The following ABCA12 variants were observed in gnomAD, a reference collection of about 807,000 sequenced individuals.
The protein encoded by ABCA12 is glucosylceramide transporter ABCA12.
Under a neutral mutation model 293.5 loss-of-function variants are expected in ABCA12, and 156 were observed. That is an observed-to-expected ratio of 0.53 (90% confidence interval 0.47 to 0.61). ABCA12 has a LOEUF of 0.61. Among genes scored for constraint, ABCA12 ranks in the 20% least tolerant of loss-of-function variants. ABCA12 has a pLI of 0.00. For synonymous variants in ABCA12, 1,063 were observed against 1,108.0 expected, an observed-to-expected ratio of 0.96 and a Z score of 0.81; for missense variants, 2,797 against 3,090.2, an observed-to-expected ratio of 0.91 and a Z score of 2.25.
chr2:214,946,330 T>TG (rs1698581685), intron 48 of ABCA12, among the ~76,000 whole-genome samples: 1 of 152,166 alleles, frequency 6.6e-6, no homozygotes, highest in Non-Finnish European at 1.5e-5. Flanking sequence ...ATTTAGTAAA[T>TG]GCATATAGAA....
At chr2:215,066,010 A>C (rs913513328) in intron 2 of ABCA12, among the ~76,000 whole-genome samples, 1 of 152,110 alleles carries the variant, frequency 6.6e-6, no homozygotes, top group African/African-American at 2.4e-5. Flanking sequence ...TGAAAATTGC[A>C]GTGAACCAAT....
intron 14 of ABCA12, among the ~76,000 whole-genome samples, chr2:215,017,268 C>T (rs938383398): frequency 4.6e-5 from 7 of 152,156 alleles, no homozygotes; most frequent in Admixed American, 2.6e-4. Context: ...AGCTCTGCAG[C>T]TCTTTTGGAA....
At chr2:214,970,153 A>C in intron 37 of ABCA12, 120 bp downstream of exon 37, 1 of 1,042,544 alleles carries the variant, frequency 9.6e-7, no homozygotes, top group Non-Finnish European at 1.4e-6. Context: ...GTTTAAATAA[A>C]ACTGAGAATT....
Position 215,131,702 on chromosome 2 carries a change from G to GT in ABCA12, c.69+6437dup, listed in dbSNP as rs35844951. 5.4e-4 allele frequency among the ~76,000 whole-genome samples: 43 copies of GT among 80,164 alleles called. 1 individual carries two copies. Among genetic ancestry groups the GT allele is most frequent in the African/African-American group, 1.6e-3 (42 of 26,086 alleles). The allele number at this position is 80,164 out of a possible 152,430, so 52.6% of individuals were successfully genotyped here. ...TTTTCATTCATTGATCCTTTCTATT[G>GT]TTTTTTTTTTTTTTTTTTTTGGCCT... On this transcript the variant is annotated intron_variant, in intron 1 of 52. Transcript: ENST00000272895.
chr2:215,136,546 A>C (rs1249417113), intron 1 of ABCA12, among the ~76,000 whole-genome samples: 1 of 152,154 alleles, frequency 6.6e-6, no homozygotes, highest in Non-Finnish European at 1.5e-5. Context: ...TAACACGTAC[A>C]GATTTTAGTT....
chr2:215,025,640 GT>G (rs1700726335), intron 11 of ABCA12, 32 bp downstream of exon 11: 2 of 1,222,570 alleles, frequency 1.6e-6, no homozygotes, highest in African/African-American at 3.6e-5. Flanking sequence ...TTTTTTTTTT[GT>G]TTTTTGTTTT....
chr2:215,060,250 T>C (rs1189748626), intron 3 of ABCA12, among the ~76,000 whole-genome samples: 2 of 152,078 alleles, frequency 1.3e-5, no homozygotes, highest in Non-Finnish European at 2.9e-5. Flanking sequence ...ACTGTAAGTT[T>C]ATATAGGGCA....
intron 2 of ABCA12, among the ~76,000 whole-genome samples, chr2:215,073,712 A>T (rs1229453321): frequency 3.3e-5 from 5 of 152,182 alleles, no homozygotes; most frequent in African/African-American, 4.8e-5. Flanking sequence ...TTGAGGAGGG[A>T]AGTGCTGTGC....
chr2:215,124,449 T>C (rs1196185322), intron 1 of ABCA12, among the ~76,000 whole-genome samples: 3 of 152,184 alleles, frequency 2.0e-5, no homozygotes, highest in African/African-American at 7.2e-5. Context: ...GTGTTCCCTG[T>C]TCACCTCATC....
chr2:215,034,145 TA>T (rs1213576568), intron 8 of ABCA12, among the ~76,000 whole-genome samples: 1 of 152,106 alleles, frequency 6.6e-6, no homozygotes, highest in Non-Finnish European at 1.5e-5. Flanking sequence ...GTCACAAACA[TA>T]ATCTCTGCTC....
Position 215,000,934 on chromosome 2 carries a change from T to C in ABCA12, c.2950A>G (p.Thr984Ala), listed in dbSNP as rs781774526. 5 of 1,614,040 alleles carry C rather than the reference T, an allele frequency of 3.1e-6. No individual in the cohort carries two copies. In the South Asian group the frequency reaches 5.5e-5, roughly 18 times the overall value. Reference protein sequence around the residue: ...NVFLPPVIKYTIRMSLKTAQT... With the variant: ...NVFLPPVIKYAIRMSLKTAQT... Reference sequence around the variant, plus strand: ...GCGGTCTTGAGACTCATCCGGATGGTATATTTTATGACAGGAGGAAGAAAG... The same window carrying C: ...GCGGTCTTGAGACTCATCCGGATGGCATATTTTATGACAGGAGGAAGAAAG... The change falls in exon 22 of 53, where the codon ACC becomes GCC. Residue 984 changes from threonine (T) to alanine (A), a missense_variant. Around this residue, in one of 3 missense-constraint regions of ABCA12, gnomAD observed 2,130 missense variants for 2,427.0 expected, o/e 0.88. Coordinates refer to ENST00000272895, the MANE Select transcript of ABCA12 (RefSeq NM_173076.3).
In ABCA12 at chr2:214,987,823, G is replaced by C. The variant is rs374157928; in HGVS notation, c.3830-30C>G. Reference sequence around the variant, plus strand: ...AATAAAAATATATCAGGAACAGTGAGTTTTAGTTGACTGTTAACATTTATC... The same window carrying C: ...AATAAAAATATATCAGGAACAGTGACTTTTAGTTGACTGTTAACATTTATC... On this transcript the variant is annotated intron_variant, in intron 26 of 52. Coordinates refer to ENST00000272895, the MANE Select transcript of ABCA12 (RefSeq NM_173076.3). The C allele has an allele frequency of 2.7e-5, 44 of 1,609,232 alleles. No homozygotes were observed. The African/African-American group carries it at 5.7e-4, about 21-fold the overall frequency.
At chr2:214,978,719 T>A in intron 32 of ABCA12, 85 bp downstream of exon 32, 1 of 1,458,644 alleles carries the variant, frequency 6.9e-7, no homozygotes, top group Non-Finnish European at 9.5e-7. Flanking sequence ...TTTTAAAAAT[T>A]TTTTTAGAAA....
chr2:215,012,705 A>C (rs1244721286), intron 15 of ABCA12, among the ~76,000 whole-genome samples: 1 of 152,200 alleles, frequency 6.6e-6, no homozygotes, highest in African/African-American at 2.4e-5. Context: ...CTAAAATTAG[A>C]TTGTGGTAAT....
intron 33 of ABCA12, among the ~76,000 whole-genome samples, chr2:214,977,084 C>G (rs578212330): frequency 4.6e-4 from 70 of 152,264 alleles, no homozygotes; most frequent in Middle Eastern, 3.4e-3. Context: ...TAAATGCAAA[C>G]TCATATCTCT....
In ABCA12 at chr2:215,074,544, G is replaced by A. The variant is rs1454176770; in HGVS notation, c.164-10325C>T. On this transcript the variant is annotated intron_variant, in intron 2 of 52. Coordinates refer to ENST00000272895, the MANE Select transcript of ABCA12 (RefSeq NM_173076.3). ...AGCCAATACAATAATATGGGCCAGA[G>A]GTCTGTGTATTGATAGAGGTTGGCC... Among the ~76,000 whole-genome samples the A allele has an allele frequency of 3.3e-5, 5 of 152,290 alleles. 1 individual carries two copies. The highest frequency in any genetic ancestry group is 4.1e-4 in the South Asian group (2 of 4,826).
At chr2:214,992,517 C>CCA (rs1386118167) in intron 23 of ABCA12, among the ~76,000 whole-genome samples, 3 of 58,050 alleles carry the variant, frequency 5.2e-5, no homozygotes, top group African/African-American at 2.5e-4. Context: ...CCTAGTATCC[C>CCA]CCCCCTTTTT....
intron 3 of ABCA12, among the ~76,000 whole-genome samples, chr2:215,060,074 A>C (rs949519681): frequency 6.6e-6 from 1 of 152,076 alleles, no homozygotes; most frequent in Non-Finnish European, 1.5e-5. Flanking sequence ...AGTAAGATCC[A>C]TATTCCTCAG....
At position 214,991,605 on chromosome 2, in the gene ABCA12, T is replaced by C. The variant is rs561818034; in HGVS notation, c.3295-574A>G. On this transcript the variant is annotated intron_variant, in intron 23 of 52. Coordinates refer to ENST00000272895, the MANE Select transcript of ABCA12 (RefSeq NM_173076.3). ...AAGGGAGACCTCCTGCCTTTAGCTA[T>C]AGCCTTCCCATCCTTAACACTTACT... Among the ~76,000 whole-genome samples the C allele has an allele frequency of 2.6e-5, 4 of 152,336 alleles. No individual in the cohort carries two copies. In the East Asian group the frequency reaches 5.8e-4, roughly 22 times the overall value.
Sources: gnomAD v4.1 joint callset for allele counts (sites outside exome capture counted in the v4.1 genomes callset) on GRCh38, gnomAD v4.1.1 for gene constraint, gnomAD v4.1.1 regional missense constraint, MANE v1.5 for transcripts, NCBI Gene and HGNC (gene_info 2026-07-23, HGNC 2026-07-21) for gene names.